Variants in ACOT7 observed in about 807,000 individuals in gnomAD.
ACOT7 encodes the protein cytosolic acyl coenzyme A thioester hydrolase.
A neutral mutation model predicts 40.2 loss-of-function variants in ACOT7; 12 were observed. That is an observed-to-expected ratio of 0.30 (90% CI 0.19 to 0.48). The LOEUF is 0.48. Ranked by LOEUF, ACOT7 falls within the 20% of genes least tolerant of loss-of-function variation. The pLI, the probability that ACOT7 is intolerant of heterozygous loss-of-function variation, is 0.99. For missense variants in ACOT7, 395 were observed against 530.8 expected, an observed-to-expected ratio of 0.74 and a Z score of 2.51; for synonymous variants, 228 against 219.5, an observed-to-expected ratio of 1.04 and a Z score of -0.34.
At chr1:6,367,185 C>A (rs1482273483) in intron 1 of ACOT7, among the ~76,000 whole-genome samples, 2 of 145,776 alleles carry the variant, frequency 1.4e-5, no homozygotes, top group East Asian at 4.0e-4. Context: ...GGCGACAGAG[C>A]GAGACTCCAT....
intron 1 of ACOT7, among the ~76,000 whole-genome samples, chr1:6,362,297 G>T (rs935413071): frequency 6.6e-6 from 1 of 152,152 alleles, no homozygotes; most frequent in Non-Finnish European, 1.5e-5. Flanking sequence ...CGGGCATGGT[G>T]GTGGGCGCCT....
At chr1:6,290,481 C>T (rs1217071535) in intron 7 of ACOT7, among the ~76,000 whole-genome samples, 6 of 152,202 alleles carry the variant, frequency 3.9e-5, no homozygotes, top group African/African-American at 1.4e-4. Context: ...TGCCATGGCC[C>T]TGCTGTGCCC....
At chr1:6,331,382 G>T (rs1172612157) in intron 4 of ACOT7, among the ~76,000 whole-genome samples, 6 of 152,258 alleles carry the variant, frequency 3.9e-5, no homozygotes, top group Admixed American at 1.3e-4. Flanking sequence ...AGAAGCTTCA[G>T]TGACGCAGCC....
chr1:6,275,642 G>A lies in ACOT7; in HGVS notation c.1014+5460C>T, dbSNP rs200927232. On this transcript the variant is annotated intron_variant, in intron 8 of 8. Coordinates refer to ENST00000361521, the MANE Select transcript of ACOT7 (RefSeq NM_007274.4). The surrounding 1 kb of genome is among the most constrained non-coding windows in gnomAD (Gnocchi z 5.6). ...TGAGGCAGGAGAATCGTTTGAACCC[G>A]GGAGGCAGCGGTTGCAGTGAGCCGA... Among the ~76,000 whole-genome samples, 3 of 151,320 alleles carry A rather than the reference G, an allele frequency of 2.0e-5. No individual in the cohort carries two copies. Among genetic ancestry groups the A allele is most frequent in the Non-Finnish European group, 4.4e-5 (3 of 67,876 alleles).
At chr1:6,335,284 G>A (rs1157517056) in intron 3 of ACOT7, among the ~76,000 whole-genome samples, 1 of 141,974 alleles carries the variant, frequency 7.0e-6, no homozygotes, top group Non-Finnish European at 1.5e-5. Context: ...CCGAGATGGC[G>A]CCATTGCACT....
chr1:6,329,486 A>G (rs1232138396), intron 4 of ACOT7, among the ~76,000 whole-genome samples: 1 of 152,022 alleles, frequency 6.6e-6, no homozygotes, highest in Non-Finnish European at 1.5e-5. Context: ...TGCCTTTTAA[A>G]GGGATTTTTT....
intron 5 of ACOT7, among the ~76,000 whole-genome samples, chr1:6,323,737 A>AAT (rs57302929): frequency 0.072 from 2,767 of 38,392 alleles, 101 homozygotes; most frequent in Non-Finnish European, 0.099. Flanking sequence ...AAAAAAAAAA[A>AAT]ATATATATAT....
intron 6 of ACOT7, among the ~76,000 whole-genome samples, chr1:6,302,955 G>C (rs1432916334): frequency 1.3e-5 from 2 of 152,204 alleles, no homozygotes; most frequent in African/African-American, 4.8e-5. Flanking sequence ...AAACAACCCA[G>C]AAAAACATAG....
At chr1:6,324,858 T>G (rs1407797197) in intron 5 of ACOT7, among the ~76,000 whole-genome samples, 1 of 152,222 alleles carries the variant, frequency 6.6e-6, no homozygotes, top group Admixed American at 6.5e-5. Context: ...CCATATAAGG[T>G]CCCATTCACA....
At chr1:6,391,383 G>A (rs1000064984) in intron 1 of ACOT7, among the ~76,000 whole-genome samples, 3 of 152,088 alleles carry the variant, frequency 2.0e-5, no homozygotes, top group Admixed American at 2.0e-4. Flanking sequence ...GCGCACTCTT[G>A]TAGTCCCAGC....
intron 3 of ACOT7, among the ~76,000 whole-genome samples, chr1:6,336,974 G>A (rs1641124221): frequency 6.6e-6 from 1 of 152,218 alleles, no homozygotes; most frequent in South Asian, 2.1e-4. Context: ...ACAGCCTTGG[G>A]GCTCCAAGGC....
At chr1:6,349,963 A>G (rs938524352) in intron 1 of ACOT7, 97 bp from the exon 2 acceptor site, 1 of 1,191,036 alleles carries the variant, frequency 8.4e-7, no homozygotes, top group Non-Finnish European at 1.2e-6. Context: ...AAAGGGCTCA[A>G]TGGCTCCCGG....
chr1:6,338,877 C>A lies in ACOT7; in HGVS notation c.418+556G>T, dbSNP rs1365511277. Among the ~76,000 whole-genome samples, 2 of 152,182 alleles carry A rather than the reference C, an allele frequency of 1.3e-5. No individual in the cohort carries two copies. Among genetic ancestry groups the A allele is most frequent in the Non-Finnish European group, 2.9e-5 (2 of 68,036 alleles). ...TGAACACTGGAGCCGCCCCCTCCTGCAGCGCCCAGTGGGAAGGGGAAGGGG... is the reference window on the plus strand; with the variant it reads ...TGAACACTGGAGCCGCCCCCTCCTGAAGCGCCCAGTGGGAAGGGGAAGGGG... On this transcript the variant is annotated intron_variant, in intron 3 of 8. Transcript: ENST00000361521. The surrounding 1 kb of genome is among the most constrained non-coding windows in gnomAD (Gnocchi z 4.4).
At position 6,281,254 on chromosome 1, in the gene ACOT7, A is replaced by G; in HGVS notation, c.862T>C (p.Phe288Leu). Residue 288 changes from phenylalanine to leucine, a missense_variant, in exon 8 of 9, where the codon TTC becomes CTC. Transcript: ENST00000361521. The part of the protein sequence containing the change: ...CVITISGRMT[F>L]TSNKSMEIEV... ...ATCTCCATGGACTTATTGCTCGTGA[A>G]GGTCATGCGTCCCGAGATGGTGATG... 5 of 1,613,856 alleles carry G rather than the reference A, an allele frequency of 3.1e-6. No individual in the cohort carries two copies. The highest frequency in any genetic ancestry group is 4.2e-6 in the Non-Finnish European group (5 of 1,179,930).
At chr1:6,312,468 T>C (rs955584468) in intron 6 of ACOT7, among the ~76,000 whole-genome samples, 1 of 151,164 alleles carries the variant, frequency 6.6e-6, no homozygotes, top group Non-Finnish European at 1.5e-5. Context: ...TTTCTTTCTT[T>C]ATTTCTTTAT....
chr1:6,359,174 C>T lies in ACOT7; in HGVS notation c.144-9308G>A. ...CTGCTGAGCGGCCTCAGGGAAGCGG[C>T]TATGAGGCTCTGCCTTCTCTGACAG... is the stretch of plus-strand genomic sequence containing the variant. On this transcript the variant is annotated intron_variant, in intron 1 of 8. Transcript: ENST00000361521. This position sits in a 1 kb window ranked among gnomAD's most constrained non-coding sequence, Gnocchi z 4.1. The T allele has an allele frequency of 4.0e-6, 1 of 252,440 alleles. No individual in the cohort carries two copies. Among genetic ancestry groups the T allele is most frequent in the Non-Finnish European group, 7.8e-6 (1 of 128,928 alleles). The allele number at this position is 252,440 out of a possible 1,614,324, so 15.6% of individuals were successfully genotyped here.
In ACOT7 at chr1:6,378,893, C is replaced by T. The variant is rs576722555; in HGVS notation, c.143+14364G>A. Among the ~76,000 whole-genome samples, 119 of 151,648 alleles carry T rather than the reference C, an allele frequency of 7.8e-4. 2 individuals are homozygous for T. The highest frequency in any genetic ancestry group is 1.6e-3 in the Non-Finnish European group (106 of 67,762). The stretch of plus-strand genomic sequence containing the variant: ...CTAGAGTCCTAGTTTTATTATTGCT[C>T]AAGGACTTTTTTTTTTCTTTGAGAC... On this transcript the variant is annotated intron_variant, in intron 1 of 8. Transcript: ENST00000361521.
Position 6,278,136 on chromosome 1 carries a change from G to A in ACOT7, c.1014+2966C>T, listed in dbSNP as rs1425905595. 2.6e-5 allele frequency among the ~76,000 whole-genome samples: 4 copies of A among 152,258 alleles called. No individual in the cohort carries two copies. Among genetic ancestry groups the A allele is most frequent in the African/African-American group, 4.8e-5 (2 of 41,540 alleles). On this transcript the variant is annotated intron_variant, in intron 8 of 8. Transcript: ENST00000361521. This position sits in a 1 kb window ranked among gnomAD's most constrained non-coding sequence, Gnocchi z 4.1. The stretch of plus-strand genomic sequence containing the variant: ...GGCGGAGGCGACGCTTCTCTAGAGC[G>A]GTTGTGGGTGCCCTTCTAAGGAAAA...
At chr1:6,368,469 GCAGCATCA>G (rs1158800449) in intron 1 of ACOT7, among the ~76,000 whole-genome samples, 2 of 152,174 alleles carry the variant, frequency 1.3e-5, no homozygotes, top group African/African-American at 2.4e-5. Flanking sequence ...ATATGCAGGT[GCAGCATCA>G]CCCCAGGCCC....
Sources: allele counts gnomAD v4.1 joint callset (sites outside exome capture counted in the v4.1 genomes callset), GRCh38; gene constraint gnomAD v4.1.1; non-coding constraint Gnocchi (gnomAD v3.1); transcripts MANE v1.5; gene names NCBI Gene and HGNC (gene_info 2026-07-23, HGNC 2026-07-21).